The following DPYD variants were observed in gnomAD, a reference collection of about 807,000 sequenced individuals.
The protein encoded by DPYD is dihydropyrimidine dehydrogenase [NADP(+)].
Under a neutral mutation model 116.2 loss-of-function variants are expected in DPYD, and 109 were observed. The observed-to-expected ratio is 0.94, with a 90% CI of 0.80 to 1.10. The LOEUF is 1.10. Ranked by LOEUF, DPYD falls within the 50% of genes least tolerant of loss-of-function variation. DPYD has a pLI of 0.00. For missense variants in DPYD, 1,302 were observed against 1,254.5 expected (o/e 1.04, Z -0.57); for synonymous variants, 440 against 432.0 (o/e 1.02, Z -0.23).
intron 20 of DPYD, among the ~76,000 whole-genome samples, chr1:97,114,025 C>T (rs186108226): frequency 4.6e-5 from 7 of 152,098 alleles, no homozygotes; most frequent in African/African-American, 1.2e-4. Flanking sequence ...ACTCCTAGGG[C>T]GATGCTACAT....
intron 20 of DPYD, among the ~76,000 whole-genome samples, chr1:97,183,597 T>A (rs961382164): frequency 2.0e-5 from 3 of 152,114 alleles, no homozygotes; most frequent in African/African-American, 7.2e-5. Context: ...TTCTAGTTTG[T>A]CTGAATTCCA....
At chr1:97,617,426 T>C (rs1158143910) in intron 8 of DPYD, among the ~76,000 whole-genome samples, 1 of 152,208 alleles carries the variant, frequency 6.6e-6, no homozygotes, top group Non-Finnish European at 1.5e-5. Flanking sequence ...CTCATATTTG[T>C]AAGTTAGTAA....
chr1:97,761,974 G>C, intron 3 of DPYD, among the ~76,000 whole-genome samples: 1 of 152,038 alleles, frequency 6.6e-6, no homozygotes, highest in Middle Eastern at 3.2e-3. Context: ...ATGAGCACAA[G>C]GAAGGAACAC....
rs71071633 is a variant in DPYD at position 97,130,751 on chromosome 1, C to CCCTT, written c.2623-32123_2623-32120dup. Among the ~76,000 whole-genome samples the CCCTT allele has an allele frequency of 8.4e-4, 89 of 105,778 alleles. 2 individuals are homozygous for CCCTT. Among genetic ancestry groups the CCCTT allele is most frequent in the East Asian group, 1.8e-3 (6 of 3,386 alleles). 69.4% of individuals were successfully genotyped at this position (105,778 alleles called of 152,430 possible). On this transcript the variant is annotated intron_variant, in intron 20 of 22. Transcript: ENST00000370192. ...CTTTCTTCCTTTCTTTCTTCTTTCT[C>CCCTT]CCTTCCTTCCTTCCTTCCTTCCTTC...
At chr1:97,647,601 T>C (rs747958616) in intron 8 of DPYD, among the ~76,000 whole-genome samples, 10 of 151,978 alleles carry the variant, frequency 6.6e-5, no homozygotes, top group Non-Finnish European at 1.5e-4. Context: ...TTGAGCATAA[T>C]TTCATTCAAA....
At chr1:97,846,665 A>G (rs1670317488) in intron 2 of DPYD, among the ~76,000 whole-genome samples, 1 of 152,254 alleles carries the variant, frequency 6.6e-6, no homozygotes, top group African/African-American at 2.4e-5. Flanking sequence ...ATGAATATAA[A>G]GAAGAAACAA....
intron 3 of DPYD, among the ~76,000 whole-genome samples, chr1:97,751,124 A>T (rs1664852712): frequency 6.6e-6 from 1 of 152,024 alleles, no homozygotes; most frequent in South Asian, 2.1e-4. Flanking sequence ...TTAGCTGTGT[A>T]GGTATAATTG....
At chr1:97,299,330 C>T (rs1666727935) in intron 18 of DPYD, among the ~76,000 whole-genome samples, 2 of 152,064 alleles carry the variant, frequency 1.3e-5, no homozygotes, top group Admixed American at 6.6e-5. Flanking sequence ...ACCACTGCTG[C>T]AAAGGTAAGT....
At chr1:97,385,965 G>T (rs1035508531) in intron 14 of DPYD, among the ~76,000 whole-genome samples, 1 of 152,094 alleles carries the variant, frequency 6.6e-6, no homozygotes, top group Non-Finnish European at 1.5e-5. Flanking sequence ...CACTACAATT[G>T]GACTTGATGA....
chr1:97,172,747 G>A (rs1167594202), intron 20 of DPYD, among the ~76,000 whole-genome samples: 5 of 152,096 alleles, frequency 3.3e-5, no homozygotes, highest in Non-Finnish European at 5.9e-5. Context: ...GTGCCCTATC[G>A]GGAGAAGGAA....
chr1:97,555,476 C>G lies in DPYD; in HGVS notation c.1340-5732G>C, dbSNP rs1651625589. Among the ~76,000 whole-genome samples, 3 of 152,226 alleles carry G rather than the reference C, an allele frequency of 2.0e-5. No homozygotes were observed. In the South Asian group the frequency reaches 6.2e-4, roughly 32 times the overall value. ...TCCAAAACTCAGTTCACAAGCTTCCCCTGGGCCTTCCCACCTCATGATTTA... is the reference window on the plus strand; with the variant it reads ...TCCAAAACTCAGTTCACAAGCTTCCGCTGGGCCTTCCCACCTCATGATTTA... On this transcript the variant is annotated intron_variant, in intron 11 of 22. Coordinates refer to ENST00000370192, the MANE Select transcript of DPYD (RefSeq NM_000110.4).
At chr1:97,250,867 C>G (rs560207019) in intron 18 of DPYD, among the ~76,000 whole-genome samples, 10 of 152,136 alleles carry the variant, frequency 6.6e-5, no homozygotes, top group Admixed American at 1.3e-4. Flanking sequence ...AGATGTGCAT[C>G]ATTTTGAAAG....
At chr1:97,405,637 T>C (rs1235688006) in intron 14 of DPYD, among the ~76,000 whole-genome samples, 1 of 152,056 alleles carries the variant, frequency 6.6e-6, no homozygotes, top group Non-Finnish European at 1.5e-5. Context: ...TGCCTCAGCC[T>C]CCCAAGTAGC....
chr1:97,856,590 C>G (rs557717000), intron 2 of DPYD: 37 of 152,278 alleles, frequency 2.4e-4, no homozygotes, highest in Admixed American at 2.1e-3. Context: ...TCCTAATATC[C>G]TTGATATTCC....
intron 18 of DPYD, among the ~76,000 whole-genome samples, chr1:97,285,651 T>C (rs982579057): frequency 6.6e-6 from 1 of 151,700 alleles, no homozygotes; most frequent in African/African-American, 2.4e-5. Context: ...TTCTGACAAT[T>C]GGCTGAAAGT....
In DPYD at chr1:97,822,840, T is replaced by C. The variant is rs115161051; in HGVS notation, c.233+5274A>G. ...TTTTTTGTGAAATTTACACTTTTTG[T>C]TTGCCATTAGAGTTGAATATTTCCA... is the stretch of plus-strand genomic sequence containing the variant. On this transcript the variant is annotated intron_variant, in intron 3 of 22. Coordinates refer to ENST00000370192, the MANE Select transcript of DPYD (RefSeq NM_000110.4). Among the ~76,000 whole-genome samples the C allele has an allele frequency of 2.6e-3, 402 of 152,306 alleles. 1 individual carries two copies. The highest frequency in any genetic ancestry group is 3.9e-3 in the Non-Finnish European group (268 of 68,032).
At chr1:97,121,766 G>A (rs1292607181) in intron 20 of DPYD, among the ~76,000 whole-genome samples, 1 of 152,148 alleles carries the variant, frequency 6.6e-6, no homozygotes, top group African/African-American at 2.4e-5. Context: ...TGGGACTTAT[G>A]TGTGGCTGAA....
At chr1:97,577,950 A>G (rs1653384136) in intron 10 of DPYD, among the ~76,000 whole-genome samples, 2 of 151,944 alleles carry the variant, frequency 1.3e-5, no homozygotes, top group African/African-American at 2.4e-5. Flanking sequence ...AGTTCAAGTG[A>G]TTCTCCTGCC....
intron 3 of DPYD, among the ~76,000 whole-genome samples, chr1:97,776,952 G>A (rs1666440560): frequency 2.0e-5 from 3 of 152,144 alleles, no homozygotes; most frequent in Admixed American, 6.6e-5. Flanking sequence ...ATACATAAAG[G>A]CGCAAAGCTA....
Sources: allele counts gnomAD v4.1 joint callset (sites outside exome capture counted in the v4.1 genomes callset), GRCh38; gene constraint gnomAD v4.1.1; transcripts MANE v1.5; gene names NCBI Gene and HGNC (gene_info 2026-07-23, HGNC 2026-07-21).